Variants in TTC34 observed in about 807,000 individuals in gnomAD.
The protein encoded by TTC34 is tetratricopeptide repeat domain 34.
In TTC34, 44 loss-of-function variants were observed where a neutral mutation model predicts 40.7. That is an observed-to-expected ratio of 1.08 (90% CI 0.85 to 1.39). The LOEUF is 1.39. Ranked by LOEUF, TTC34 falls within the 40% of genes most tolerant of loss-of-function variation. TTC34 has a pLI of 0.00. For missense variants in TTC34, 884 were observed against 838.0 expected, an observed-to-expected ratio of 1.05 and a Z score of -0.68; for synonymous variants, 422 against 398.6, an observed-to-expected ratio of 1.06 and a Z score of -0.70.
chr1:2,796,444 G>A lies in TTC34; in HGVS notation c.784+3600C>T, dbSNP rs1384689682. Among the ~76,000 whole-genome samples the A allele has an allele frequency of 1.3e-5, 2 of 152,190 alleles. No homozygotes were observed. Among genetic ancestry groups the A allele is most frequent in the Non-Finnish European group, 2.9e-5 (2 of 68,032 alleles). ...CCGAAGTGACTTGGGTCTAATGGATGCACAATTCTTAGGGCAGGTGTTCCC... is the reference window on the plus strand; with the variant it reads ...CCGAAGTGACTTGGGTCTAATGGATACACAATTCTTAGGGCAGGTGTTCCC... On this transcript the variant is annotated intron_variant, in intron 2 of 8. Transcript: ENST00000401095. The surrounding 1 kb of genome is among the most constrained non-coding windows in gnomAD (Gnocchi z 4.5).
intron 6 of TTC34, among the ~76,000 whole-genome samples, chr1:2,688,082 CT>C (rs1640449675): frequency 3.4e-5 from 5 of 147,540 alleles, no homozygotes; most frequent in African/African-American, 9.9e-5. Flanking sequence ...GAACAGCACC[CT>C]GCACCCCCAG....
chr1:2,751,497 G>A (rs1641318107), intron 6 of TTC34, among the ~76,000 whole-genome samples: 1 of 53,188 alleles, frequency 1.9e-5, no homozygotes, highest in Admixed American at 2.4e-4. Context: ...GCCCAGGTGA[G>A]CCTCTGACAG....
chr1:2,639,183 ACATT>A (rs1222441377), exon 9 of TTC34: 1 of 152,310 alleles, frequency 6.6e-6, no homozygotes, highest in Non-Finnish European at 1.5e-5. Context: ...GGGAATGCAG[ACATT>A]CAGAGCCCAG....
chr1:2,752,453 C>T (rs1641354112), intron 6 of TTC34, among the ~76,000 whole-genome samples: 3 of 149,320 alleles, frequency 2.0e-5, no homozygotes, highest in Admixed American at 6.7e-5. Flanking sequence ...ACCCTGCACC[C>T]CCAGGTGCGC....
intron 6 of TTC34, among the ~76,000 whole-genome samples, chr1:2,652,382 G>A (rs1399632970): frequency 5.3e-5 from 8 of 151,882 alleles, no homozygotes; most frequent in African/African-American, 1.5e-4. Context: ...GTGAGCATCT[G>A]ACAGCCTGGA....
intron 6 of TTC34, among the ~76,000 whole-genome samples, chr1:2,681,639 C>A (rs1391293065): frequency 1.3e-5 from 1 of 74,570 alleles, no homozygotes. Flanking sequence ...CAGCGAGCAC[C>A]TGACAGCCTG....
chr1:2,790,735 C>G (rs1164614885), intron 2 of TTC34, among the ~76,000 whole-genome samples: 1 of 152,244 alleles, frequency 6.6e-6, no homozygotes, highest in Non-Finnish European at 1.5e-5. Flanking sequence ...GTTTCCTCCT[C>G]TGGGAATCAG....
At chr1:2,688,184 G>A (rs2100349966) in intron 6 of TTC34, among the ~76,000 whole-genome samples, 1 of 151,468 alleles carries the variant, frequency 6.6e-6, no homozygotes, top group Non-Finnish European at 1.5e-5. Context: ...GCGAGCATCG[G>A]ACAGCCTGGA....
At chr1:2,660,589 AC>A in intron 6 of TTC34, among the ~76,000 whole-genome samples, 1 of 32,752 alleles carries the variant, frequency 3.1e-5, no homozygotes, top group African/African-American at 8.4e-5. Flanking sequence ...CAGCACCCAC[AC>A]ACCCAGGTGA....
At chr1:2,798,360 C>A (rs1311747980) in intron 2 of TTC34, among the ~76,000 whole-genome samples, 1 of 74,758 alleles carries the variant, frequency 1.3e-5, no homozygotes, top group Non-Finnish European at 2.6e-5. Context: ...CTCCCCAGCC[C>A]CCCAGCCTCC....
intron 6 of TTC34, among the ~76,000 whole-genome samples, chr1:2,691,018 C>T (rs1369316420): frequency 1.2e-5 from 1 of 84,392 alleles, no homozygotes; most frequent in Non-Finnish European, 2.9e-5. Flanking sequence ...GCGGAACCCA[C>T]ACCAACAGGC....
chr1:2,677,732 C>G (rs1156608087), intron 6 of TTC34, among the ~76,000 whole-genome samples: 18 of 110,896 alleles, frequency 1.6e-4, no homozygotes, highest in Middle Eastern at 5.9e-3. Context: ...CACCCTGCAC[C>G]CCCAGGTGAG....
rs1225813606 is a variant in TTC34 at position 2,751,499 on chromosome 1, C to G, written c.2226+32110G>C. ...ACTGCACCCCCATGCCCAGGTGAGC[C>G]TCTGACAGCCTTGAACAGCACCCTG... On this transcript the variant is annotated intron_variant, in intron 6 of 8. Transcript: ENST00000401095. 3.6e-4 allele frequency among the ~76,000 whole-genome samples: 31 copies of G among 85,140 alleles called. 10 individuals are homozygous for G. Among genetic ancestry groups the G allele is most frequent in the African/African-American group, 1.8e-3 (29 of 16,534 alleles). The allele number at this position is 85,140 out of a possible 152,430, so 55.9% of individuals were successfully genotyped here.
At chr1:2,792,710 C>A (rs191753571) in intron 2 of TTC34, among the ~76,000 whole-genome samples, 4 of 152,314 alleles carry the variant, frequency 2.6e-5, no homozygotes, top group Admixed American at 2.6e-4. Flanking sequence ...AGATTTAATA[C>A]ACAGATTTGG....
At chr1:2,683,748 C>T (rs1640190117) in intron 6 of TTC34, among the ~76,000 whole-genome samples, 1 of 149,984 alleles carries the variant, frequency 6.7e-6, no homozygotes, top group African/African-American at 2.5e-5. Context: ...GGAACAGCAC[C>T]CACACCCCCA....
Position 2,645,528 on chromosome 1 carries a change from G to C in TTC34, c.2262C>G (p.Leu754=). Reference sequence around the variant, plus strand: ...GCTCAGGGACCACAGTCCCGGGGCCGAGCTTCAGAGCAGAGACGATGTCGT... The same window carrying C: ...GCTCAGGGACCACAGTCCCGGGGCCCAGCTTCAGAGCAGAGACGATGTCGT... Residue 754 remains leucine, a synonymous_variant, in exon 7 of 9, where the codon CTC becomes CTG. Coordinates refer to ENST00000401095, the Ensembl canonical transcript of TTC34. The surrounding 1 kb of genome is among the most constrained non-coding windows in gnomAD (Gnocchi z 4.7). The C allele has an allele frequency of 1.6e-6, 2 of 1,266,396 alleles. No homozygotes were observed. The highest frequency in any genetic ancestry group is 2.0e-6 in the Non-Finnish European group (2 of 981,924). The allele number at this position is 1,266,396 out of a possible 1,614,324, so 78.4% of individuals were successfully genotyped here. A position where few individuals can be genotyped will look rare whatever the true frequency, so the allele number is the denominator to read the frequency against.
intron 6 of TTC34, among the ~76,000 whole-genome samples, chr1:2,686,172 C>G (rs1354061416): frequency 7.4e-6 from 1 of 135,726 alleles, no homozygotes; most frequent in Non-Finnish European, 1.5e-5. Context: ...CACAGGTGAA[C>G]ATCGGAGAGT....
At chr1:2,643,942 G>T (rs1638966062) in intron 8 of TTC34, among the ~76,000 whole-genome samples, 1 of 152,256 alleles carries the variant, frequency 6.6e-6, no homozygotes, top group African/African-American at 2.4e-5. Flanking sequence ...TTTGGGGTGG[G>T]CTTCCTGCCG....
rs1022004787 is a variant in TTC34 at position 2,800,323 on chromosome 1, C to T, written c.505G>A (p.Ala169Thr). Residue 169 changes from alanine to threonine, a missense_variant, in exon 2 of 9, where the codon GCC becomes ACC. By Grantham distance (58) the Ala-to-Thr change is moderately conservative. Transcript: ENST00000401095. ...CGAATGAAAGCTACCGTCCGGTCGGCGCTGGAGGCGAAGGCCTGGAGATAG... is the reference window on the plus strand; with the variant it reads ...CGAATGAAAGCTACCGTCCGGTCGGTGCTGGAGGCGAAGGCCTGGAGATAG... 2.8e-5 allele frequency: 11 copies of T among 398,586 alleles called. No homozygotes were observed. In the Admixed American group the frequency reaches 3.1e-4, roughly 11 times the overall value. 24.7% of individuals were successfully genotyped at this position (398,586 alleles called of 1,614,324 possible).
Sources: allele counts gnomAD v4.1 joint callset (sites outside exome capture counted in the v4.1 genomes callset), GRCh38; gene constraint gnomAD v4.1.1; non-coding constraint Gnocchi (gnomAD v3.1); transcripts MANE v1.5; gene names NCBI Gene and HGNC (gene_info 2026-07-23, HGNC 2026-07-21).